ZDHHC5: variants seen among roughly 807,000 people sequenced by gnomAD.
ZDHHC5 encodes the protein palmitoyltransferase ZDHHC5.
In ZDHHC5, 22 loss-of-function variants were observed where a neutral mutation model predicts 70.0. That is an observed-to-expected ratio of 0.31 (90% CI 0.22 to 0.45). The LOEUF (loss-of-function observed/expected upper bound fraction) is 0.45, where lower values mean the gene tolerates loss of function less well. ZDHHC5 is among the 20% of genes least tolerant of loss of function. The pLI, the probability that ZDHHC5 is intolerant of heterozygous loss-of-function variation, is 1.00. For missense variants in ZDHHC5, 746 were observed against 926.9 expected (o/e 0.80, Z 2.53); for synonymous variants, 313 against 347.8 (o/e 0.90, Z 1.11).
Position 57,700,263 on chromosome 11 carries a change from C to A in ZDHHC5, c.*232C>A. On this transcript the variant is annotated 3_prime_UTR_variant, in exon 12 of 12. Transcript: ENST00000287169. ...TTTTATCTTTTAAGACCTTCCCTTC[C>A]TTGATCCCTGGACCAGACTCAGTGG... 7 of 423,236 alleles carry A rather than the reference C, an allele frequency of 1.7e-5. No individual in the cohort carries two copies. Among genetic ancestry groups the A allele is most frequent in the Non-Finnish European group, 2.9e-5 (7 of 243,718 alleles). The allele number at this position is 423,236 out of a possible 1,614,324, so 26.2% of individuals were successfully genotyped here.
chr11:57,676,300 C>T (rs1306193069), intron 2 of ZDHHC5, among the ~76,000 whole-genome samples: 1 of 152,192 alleles, frequency 6.6e-6, no homozygotes, highest in Non-Finnish European at 1.5e-5. Flanking sequence ...ATTTGTCCAG[C>T]ACTAAAACTA....
intron 2 of ZDHHC5, among the ~76,000 whole-genome samples, chr11:57,677,486 CA>C: frequency 6.6e-6 from 1 of 152,066 alleles, no homozygotes; most frequent in Non-Finnish European, 1.5e-5. Context: ...GGGGTTTCAC[CA>C]TAATGGCCAG....
At chr11:57,670,033 T>A (rs1945984953) in intron 1 of ZDHHC5, among the ~76,000 whole-genome samples, 1 of 152,230 alleles carries the variant, frequency 6.6e-6, no homozygotes, top group Non-Finnish European at 1.5e-5. Context: ...TATTACTATG[T>A]CAATATTAGT....
chr11:57,679,170 T>C (rs1047974503), intron 2 of ZDHHC5, among the ~76,000 whole-genome samples: 2 of 152,112 alleles, frequency 1.3e-5, no homozygotes, highest in East Asian at 1.9e-4. Context: ...TTATTTTGTA[T>C]ATATATTTTG....
In ZDHHC5 at chr11:57,699,270, G is replaced by A. The variant is rs1462090469; in HGVS notation, c.1834G>A (p.Asp612Asn). 2 of 1,614,250 alleles carry A rather than the reference G, an allele frequency of 1.2e-6. No homozygotes were observed. The highest frequency in any genetic ancestry group is 1.7e-6 in the Non-Finnish European group (2 of 1,180,038). The change falls in exon 11 of 12, where the codon GAT becomes AAT. Residue 612 changes from aspartate (D) to asparagine (N), a missense_variant. Asp to Asn is a conservative substitution (Grantham distance 23). This residue lies in a region of ZDHHC5 where 340 missense variants were observed against 350.1 expected (regional missense o/e 0.97). Coordinates refer to ENST00000287169, the MANE Select transcript of ZDHHC5 (RefSeq NM_015457.3). ...RPAVPRFGKP[D>N]GLRGRGVGSP... ...AGCTGTCCCCCGTTTTGGCAAGCCA[G>A]ATGGGCTAAGGGGCCGGGGAGTAGG...
Position 57,698,795 on chromosome 11 carries a change from C to T in ZDHHC5, c.1359C>T (p.Ser453=). The change falls in exon 11 of 12, where the codon TCC becomes TCT. Residue 453 remains serine (S), a synonymous_variant. Coordinates refer to ENST00000287169, the MANE Select transcript of ZDHHC5 (RefSeq NM_015457.3). ...CCATTCGTTCAGAGGGCACCACCTCCACCTCCTATAAGAGCCTGGCCAACC... is the reference window on the plus strand; with the variant it reads ...CCATTCGTTCAGAGGGCACCACCTCTACCTCCTATAAGAGCCTGGCCAACC... ...LQSIRSEGTT[S]TSYKSLANQT... The T allele has an allele frequency of 6.2e-7, 1 of 1,614,248 alleles. No homozygotes were observed. The highest frequency in any genetic ancestry group is 8.5e-7 in the Non-Finnish European group (1 of 1,180,054).
intron 9 of ZDHHC5, 122 bp from the exon 10 acceptor site, chr11:57,696,639 C>T (rs552339107): frequency 3.6e-6 from 3 of 831,288 alleles, no homozygotes; most frequent in Admixed American, 4.5e-5. Context: ...CCCAGGAGTT[C>T]AAGGCTCCAG....
In ZDHHC5 at chr11:57,700,958, T is replaced by C. The variant is rs994938426; in HGVS notation, c.*927T>C. On this transcript the variant is annotated 3_prime_UTR_variant, in exon 12 of 12. Coordinates refer to ENST00000287169, the MANE Select transcript of ZDHHC5 (RefSeq NM_015457.3). ...CCAAAAAGCAATATTTTTCATCACATGCCAAAAACGGGGGATAGAGAGAAG... is the reference window on the plus strand; with the variant it reads ...CCAAAAAGCAATATTTTTCATCACACGCCAAAAACGGGGGATAGAGAGAAG... 1.3e-5 allele frequency: 2 copies of C among 152,648 alleles called. No individual in the cohort carries two copies. Among genetic ancestry groups the C allele is most frequent in the Non-Finnish European group, 2.9e-5 (2 of 68,078 alleles). 9.5% of individuals were successfully genotyped at this position (152,648 alleles called of 1,614,324 possible).
chr11:57,688,741 G>A, intron 4 of ZDHHC5, 76 bp downstream of exon 4: 1 of 1,464,602 alleles, frequency 6.8e-7, no homozygotes, highest in South Asian at 1.5e-5. Flanking sequence ...TAGATTCTTA[G>A]CTTTGGATGT....
intron 7 of ZDHHC5, 63 bp downstream of exon 7, chr11:57,692,765 G>A: frequency 6.4e-7 from 1 of 1,570,582 alleles, no homozygotes; most frequent in Non-Finnish European, 8.7e-7. Context: ...CTTTGGGCTT[G>A]TTCTGGTAAA....
intron 6 of ZDHHC5, among the ~76,000 whole-genome samples, chr11:57,691,161 T>G (rs1232158866): frequency 6.6e-6 from 1 of 152,076 alleles, no homozygotes; most frequent in African/African-American, 2.4e-5. Context: ...AACCTCTGCC[T>G]CCTGGGTTCA....
intron 1 of ZDHHC5, among the ~76,000 whole-genome samples, chr11:57,669,609 A>G (rs1394501703): frequency 6.6e-6 from 1 of 152,110 alleles, no homozygotes; most frequent in Admixed American, 6.6e-5. Context: ...GGCATGCCCC[A>G]TCACGCCCTG....
intron 6 of ZDHHC5, among the ~76,000 whole-genome samples, chr11:57,692,332 A>G (rs1257120916): frequency 6.6e-6 from 1 of 152,102 alleles, no homozygotes; most frequent in Non-Finnish European, 1.5e-5. Context: ...TTAATTGCTT[A>G]TTCTTTATCT....
intron 6 of ZDHHC5, among the ~76,000 whole-genome samples, chr11:57,692,046 T>C (rs1362604332): frequency 2.6e-5 from 4 of 151,806 alleles, no homozygotes; most frequent in Admixed American, 6.6e-5. Flanking sequence ...TGGAGCCCAC[T>C]GGCTGGAGCC....
intron 1 of ZDHHC5, 131 bp downstream of exon 1, chr11:57,668,318 C>G (rs1256787869): frequency 4.3e-6 from 1 of 233,930 alleles, no homozygotes; most frequent in Non-Finnish European, 8.3e-6. Context: ...TCCTCCGGGC[C>G]GGGTCTTCCA....
At position 57,683,071 on chromosome 11, in the gene ZDHHC5, G is replaced by C. The variant is rs557702124; in HGVS notation, c.226+528G>C. On this transcript the variant is annotated intron_variant, in intron 3 of 11. Coordinates refer to ENST00000287169, the MANE Select transcript of ZDHHC5 (RefSeq NM_015457.3). ...TTACCAAGTAGAATATAGGAGGGAA[G>C]GGCATTTTTAGGCAGAGGAAACAGC... Among the ~76,000 whole-genome samples, 271 of 152,134 alleles carry C rather than the reference G, an allele frequency of 1.8e-3. 2 individuals are homozygous for C. Among genetic ancestry groups the C allele is most frequent in the Non-Finnish European group, 2.4e-3 (162 of 68,010 alleles).
intron 1 of ZDHHC5, among the ~76,000 whole-genome samples, 199 bp from the exon 2 acceptor site, chr11:57,671,822 A>G (rs1409261618): frequency 2.6e-5 from 4 of 152,304 alleles, no homozygotes; most frequent in East Asian, 3.9e-4. Flanking sequence ...TCTGCTTCCA[A>G]TCTGAACAGA....
At chr11:57,678,136 C>G (rs1032651312) in intron 2 of ZDHHC5, among the ~76,000 whole-genome samples, 1 of 152,108 alleles carries the variant, frequency 6.6e-6, no homozygotes, top group African/African-American at 2.4e-5. Flanking sequence ...AATGCATAGA[C>G]CTATTCTTTA....
chr11:57,689,665 C>T (rs553272647), intron 4 of ZDHHC5, among the ~76,000 whole-genome samples: 18 of 150,536 alleles, frequency 1.2e-4, no homozygotes, highest in Admixed American at 2.0e-4. Context: ...CGTGAGCCAC[C>T]GCGCCCGGCC....
Sources: allele counts gnomAD v4.1 joint callset (sites outside exome capture counted in the v4.1 genomes callset), GRCh38; gene constraint gnomAD v4.1.1; regional missense constraint gnomAD v4.1.1; transcripts MANE v1.5; gene names NCBI Gene and HGNC (gene_info 2026-07-23, HGNC 2026-07-21).